CDC37: variants seen among roughly 807,000 people sequenced by gnomAD.
The protein encoded by CDC37 is cell division cycle 37, HSP90 cochaperone, also known as hsp90 co-chaperone Cdc37.
A neutral mutation model predicts 46.9 loss-of-function variants in CDC37; 9 were observed. The ratio of observed to expected loss-of-function variants is 0.19; its 90% CI spans 0.12 to 0.33. The LOEUF (loss-of-function observed/expected upper bound fraction) is 0.33. Ranked by LOEUF, CDC37 falls within the 10% of genes least tolerant of loss-of-function variation. The pLI is 1.00. For synonymous variants in CDC37, 193 were observed against 191.0 expected (o/e 1.01, Z -0.09); for missense variants, 388 against 514.6 (o/e 0.75, Z 2.38).
At chr19:10,394,438 C>G (rs1183076848) in intron 5 of CDC37, among the ~76,000 whole-genome samples, 1 of 152,182 alleles carries the variant, frequency 6.6e-6, no homozygotes, top group African/African-American at 2.4e-5. Context: ...CTCCTGAGCT[C>G]AAGTGATCCT....
rs2042532138 is a variant in CDC37, at chr19:10,403,528, G to A, written c.-49C>T. The A allele has an allele frequency of 7.0e-7, 1 of 1,425,722 alleles. No individual in the cohort carries two copies. Among genetic ancestry groups the A allele is most frequent in the Non-Finnish European group, 9.8e-7 (1 of 1,018,094 alleles). The allele number at this position is 1,425,722 out of a possible 1,614,324, so 88.3% of individuals were successfully genotyped here. A position where few individuals can be genotyped will look rare whatever the true frequency, so the allele number is the denominator to read the frequency against. On this transcript the variant is annotated 5_prime_UTR_variant, in exon 1 of 8. Coordinates refer to ENST00000222005, the MANE Select transcript of CDC37 (RefSeq NM_007065.4). ...TCCGGCTCGGGTGGCGGCGACGGCG[G>A]CAGCAGTGGAGACTAGGAGCGCGGA...
chr19:10,402,204 T>A lies in CDC37; in HGVS notation c.102+1174A>T, dbSNP rs538027080. Among the ~76,000 whole-genome samples, 6 of 147,640 alleles carry A rather than the reference T, an allele frequency of 4.1e-5. No homozygotes were observed. The East Asian group carries it at 1.2e-3, about 29-fold the overall frequency. On this transcript the variant is annotated intron_variant, in intron 1 of 7. Transcript: ENST00000222005. ...AAAAGGAATACAACAGACACTGGTATGTAATGCAGGCACACTCATTTGGGG... is the reference window on the plus strand; with the variant it reads ...AAAAGGAATACAACAGACACTGGTAAGTAATGCAGGCACACTCATTTGGGG...
rs189376825 is a variant in CDC37 at position 10,395,384 on chromosome 19, G to A, written c.488-41C>T. 9.4e-5 allele frequency: 151 copies of A among 1,602,330 alleles called. No homozygotes were observed. The African/African-American group carries it at 1.8e-3, about 19-fold the overall frequency. ...GGCAAGGTGCTGGAGGGCCCTGGAG[G>A]CAAAGGGCCTGCCTCGACCTTGCCC... On this transcript the variant is annotated intron_variant, in intron 3 of 7. Coordinates refer to ENST00000222005, the MANE Select transcript of CDC37 (RefSeq NM_007065.4).
chr19:10,402,886 C>T (rs1308565465), intron 1 of CDC37, among the ~76,000 whole-genome samples: 3 of 151,770 alleles, frequency 2.0e-5, no homozygotes, highest in African/African-American at 7.3e-5. Context: ...TGAATGGGAA[C>T]CCCGGATCAA....
chr19:10,397,249 T>TG (rs1253748649), intron 1 of CDC37, among the ~76,000 whole-genome samples: 1 of 152,146 alleles, frequency 6.6e-6, no homozygotes, highest in East Asian at 1.9e-4. Flanking sequence ...CTTGTTTTTT[T>TG]TTTTGTTTTT....
intron 1 of CDC37, among the ~76,000 whole-genome samples, chr19:10,402,201 G>T (rs922661779): frequency 1.3e-5 from 2 of 149,946 alleles, no homozygotes; most frequent in Non-Finnish European, 3.0e-5. Context: ...ACAGACACTG[G>T]TATGTAATGC....
intron 2 of CDC37, 144 bp downstream of exon 2, chr19:10,395,784 C>T: frequency 2.1e-6 from 1 of 475,230 alleles, no homozygotes; most frequent in Non-Finnish European, 3.6e-6. Flanking sequence ...GGCCCCCGTC[C>T]ATCCCTCAGC....
At chr19:10,397,230 C>T (rs918669580) in intron 1 of CDC37, among the ~76,000 whole-genome samples, 36 of 152,072 alleles carry the variant, frequency 2.4e-4, no homozygotes, top group Admixed American at 9.8e-4. Context: ...AGCACGGGCT[C>T]AGCAAATGCT....
rs1007736151 is a variant in CDC37 at position 10,393,585 on chromosome 19, G to T, written c.727-144C>A. ...TGACCTACATGAAGGGCTCCCCAAG[G>T]CCTGGGCTCCCCCGCCGGGGACCTC... is the stretch of plus-strand genomic sequence containing the variant. On this transcript the variant is annotated intron_variant, in intron 5 of 7. Transcript: ENST00000222005. This position sits in a 1 kb window ranked among gnomAD's most constrained non-coding sequence, Gnocchi z 4.9. 1 of 835,452 alleles carries T rather than the reference G, an allele frequency of 1.2e-6. No individual in the cohort carries two copies. The highest frequency in any genetic ancestry group is 1.8e-6 in the Non-Finnish European group (1 of 559,778). 51.8% of individuals were successfully genotyped at this position (835,452 alleles called of 1,614,324 possible).
rs772240235 is a variant in CDC37 at position 10,391,641 on chromosome 19, G to A, written c.1047C>T (p.Ser349=). Residue 349 remains serine (S), a synonymous_variant, in exon 8 of 8, where the codon AGC becomes AGT. Transcript: ENST00000222005. ...CTGCCTCCTCTCCCTCCTTGGCCTCGCTGGCCTTAGAGTTGGGGACCCAGA... is the reference window on the plus strand; with the variant it reads ...CTGCCTCCTCTCCCTCCTTGGCCTCACTGGCCTTAGAGTTGGGGACCCAGA... ...SGLWVPNSKA[S]EAKEGEEAGP... is the part of the protein sequence containing the mutation. 36 of 1,613,912 alleles carry A rather than the reference G, an allele frequency of 2.2e-5. No individual in the cohort carries two copies. The highest frequency in any genetic ancestry group is 1.6e-4 in the Middle Eastern group (1 of 6,080).
At chr19:10,397,243 T>TTTTTTTTTTTG (rs1568355218) in intron 1 of CDC37, among the ~76,000 whole-genome samples, 10 of 139,754 alleles carry the variant, frequency 7.2e-5, no homozygotes, top group Admixed American at 7.1e-4. Context: ...CAAATGCTTG[T>TTTTTTTTTTTG]TTTTTTTTTT....
intron 1 of CDC37, 50 bp downstream of exon 1, chr19:10,403,328 T>C (rs1311412609): frequency 7.0e-7 from 1 of 1,421,790 alleles, no homozygotes; most frequent in East Asian, 2.3e-5. Flanking sequence ...GGATCACAAC[T>C]CCGAAGCGGG....
At position 10,402,747 on chromosome 19, in the gene CDC37, G is replaced by A. The variant is rs185493249; in HGVS notation, c.102+631C>T. Among the ~76,000 whole-genome samples, 153 of 152,274 alleles carry A rather than the reference G, an allele frequency of 1.0e-3. 1 individual carries two copies. Among genetic ancestry groups the A allele is most frequent in the African/African-American group, 3.4e-3 (141 of 41,556 alleles). On this transcript the variant is annotated intron_variant, in intron 1 of 7. Transcript: ENST00000222005. ...ATTCCAAAACCCAAGTACTCGGTGA[G>A]ACTAAGGATCCTGAAGGGGGACGGT...
At position 10,395,353 on chromosome 19, in the gene CDC37, G is replaced by A; in HGVS notation, c.488-10C>T. The A allele has an allele frequency of 6.2e-7, 1 of 1,613,212 alleles. No individual in the cohort carries two copies. Among genetic ancestry groups the A allele is most frequent in the Non-Finnish European group, 8.5e-7 (1 of 1,179,096 alleles). ...CAGCGGCGAAGCATGCCTGTGGGAA[G>A]ATGCTGGCAAGGTGCTGGAGGGCCC... On this transcript the variant is annotated splice_polypyrimidine_tract_variant and intron_variant, in intron 3 of 7. Transcript: ENST00000222005.
At chr19:10,402,289 G>A (rs1408570084) in intron 1 of CDC37, among the ~76,000 whole-genome samples, 1 of 152,096 alleles carries the variant, frequency 6.6e-6, no homozygotes, top group East Asian at 1.9e-4. Flanking sequence ...CACTGAGAGG[G>A]TGGTGGGACA....
At position 10,391,540 on chromosome 19, in the gene CDC37, G is replaced by C. The variant is rs957328819; in HGVS notation, c.*11C>G. ...GGCCTGGAAGCAGGTGGCGGTGGTAGCTGGGGCAGGTCACACACTGACATC... is the reference window on the plus strand; with the variant it reads ...GGCCTGGAAGCAGGTGGCGGTGGTACCTGGGGCAGGTCACACACTGACATC... On this transcript the variant is annotated 3_prime_UTR_variant, in exon 8 of 8. Transcript: ENST00000222005. The C allele has an allele frequency of 1.5e-5, 24 of 1,614,000 alleles. No homozygotes were observed. Among genetic ancestry groups the C allele is most frequent in the Non-Finnish European group, 1.7e-5 (20 of 1,179,954 alleles).
rs2042503129 is a variant in CDC37, at chr19:10,398,546, G to C, written c.103-2343C>G. On this transcript the variant is annotated intron_variant, in intron 1 of 7. Coordinates refer to ENST00000222005, the MANE Select transcript of CDC37 (RefSeq NM_007065.4). The surrounding 1 kb of genome is among the most constrained non-coding windows in gnomAD (Gnocchi z 4.2). ...TCCTGTAACCTCAGTTTCCTCATCTGTCAAACAGTCAACAATGCTGACTGC... is the reference window on the plus strand; with the variant it reads ...TCCTGTAACCTCAGTTTCCTCATCTCTCAAACAGTCAACAATGCTGACTGC... Among the ~76,000 whole-genome samples, 1 of 152,196 alleles carries C rather than the reference G, an allele frequency of 6.6e-6. No individual in the cohort carries two copies. The highest frequency in any genetic ancestry group is 2.1e-4 in the South Asian group (1 of 4,830).
intron 1 of CDC37, 70 bp downstream of exon 1, chr19:10,403,308 G>T: frequency 8.6e-7 from 1 of 1,157,678 alleles, no homozygotes; most frequent in Non-Finnish European, 1.3e-6. Flanking sequence ...GGGTCCCTGG[G>T]CAGTATCGGG....
chr19:10,395,534 T>C lies in CDC37; in HGVS notation c.388A>G (p.Asn130Asp). ...TCCTCCGTCTTCTCGGGCTTGGTAT[T>C]TACCATGCTCTGTGGTAGGGTGAGA... The part of the protein sequence containing the change: ...SKDGFSKSMV[N>D]TKPEKTEEDS... The change falls in exon 3 of 8, where the codon AAT becomes GAT. Residue 130 changes from asparagine (N) to aspartate (D), a missense_variant. By Grantham distance (23) the Asn-to-Asp change is conservative. This residue lies in a region of CDC37 where 374 missense variants were observed against 467.4 expected (regional missense o/e 0.80). Coordinates refer to ENST00000222005, the MANE Select transcript of CDC37 (RefSeq NM_007065.4). 6.2e-7 allele frequency: 1 copy of C among 1,612,834 alleles called. No homozygotes were observed. The highest frequency in any genetic ancestry group is 8.5e-7 in the Non-Finnish European group (1 of 1,178,746).
Sources: gnomAD v4.1 joint callset for allele counts (sites outside exome capture counted in the v4.1 genomes callset) on GRCh38, gnomAD v4.1.1 for gene constraint, gnomAD v4.1.1 regional missense constraint, Gnocchi (gnomAD v3.1) non-coding constraint, MANE v1.5 for transcripts, NCBI Gene and HGNC (gene_info 2026-07-23, HGNC 2026-07-21) for gene names.